Variants in ELL2 observed in about 807,000 individuals in gnomAD.
ELL2 encodes the protein RNA polymerase II elongation factor ELL2.
Under a neutral mutation model 72.8 loss-of-function variants are expected in ELL2, and 21 were observed. The ratio of observed to expected loss-of-function variants is 0.29; its 90% CI spans 0.20 to 0.42. The LOEUF (loss-of-function observed/expected upper bound fraction) is 0.42. ELL2 is among the 10% of genes least tolerant of loss of function. The probability of loss-of-function intolerance (pLI) is 1.00; values close to 1 mark genes in which losing one functional copy is unlikely to be tolerated. For synonymous variants in ELL2, 266 were observed against 283.2 expected (o/e 0.94, Z 0.61); for missense variants, 568 against 772.8 (o/e 0.73, Z 3.14).
Position 95,919,495 on chromosome 5 carries a change from G to T in ELL2, c.246C>A (p.Asn82Lys). 6.3e-7 allele frequency: 1 copy of T among 1,586,812 alleles called. No homozygotes were observed. The change falls in exon 3 of 12, where the codon AAC becomes AAA. Residue 82 changes from asparagine (N) to lysine (K), a missense_variant. Asn to Lys is a moderately conservative substitution (Grantham distance 94). Transcript: ENST00000237853. ...NDPLNEVHNF[N>K]FYLSNVGKDN... ...CTTTGCCCACATTTGACAAATAAAA[G>T]TTAAAGTTATGAACTTCATTGAGGG...
chr5:95,889,915 A>C (rs1748597163), intron 10 of ELL2, among the ~76,000 whole-genome samples: 1 of 139,464 alleles, frequency 7.2e-6, no homozygotes. Flanking sequence ...CCTGGGGGGG[A>C]TAATAGCCTA....
intron 2 of ELL2, among the ~76,000 whole-genome samples, chr5:95,926,810 G>A (rs1035009954): frequency 1.3e-5 from 2 of 151,888 alleles, no homozygotes; most frequent in African/African-American, 2.4e-5. Context: ...TATCATCGAC[G>A]GCAACATTTC....
chr5:95,914,676 A>C (rs1175407697), intron 3 of ELL2, among the ~76,000 whole-genome samples: 4 of 152,076 alleles, frequency 2.6e-5, no homozygotes, highest in African/African-American at 9.7e-5. Context: ...CAACATGGAG[A>C]AACCCCATCT....
Position 95,907,296 on chromosome 5 carries a change from A to ATATATTTTTTTTTTT in ELL2, c.482-515_482-514insAAAAAAAAAAATATA. 1.6e-3 allele frequency among the ~76,000 whole-genome samples: 190 copies of ATATATTTTTTTTTTT among 116,422 alleles called. 2 individuals are homozygous for ATATATTTTTTTTTTT. The highest frequency in any genetic ancestry group is 6.9e-3 in the African/African-American group (168 of 24,458). 76.4% of individuals were successfully genotyped at this position (116,422 alleles called of 152,430 possible). A position where few individuals can be genotyped will look rare whatever the true frequency, so the allele number is the denominator to read the frequency against. On this transcript the variant is annotated intron_variant, in intron 4 of 11. Transcript: ENST00000237853. The stretch of plus-strand genomic sequence containing the variant: ...GTTAGTGATATATATATATATATAT[A>ATATATTTTTTTTTTT]TTTTTTTTTTTTACAGGCCAAGACA...
At chr5:95,909,106 A>G (rs913857523) in intron 4 of ELL2, among the ~76,000 whole-genome samples, 1 of 152,200 alleles carries the variant, frequency 6.6e-6, no homozygotes, top group Non-Finnish European at 1.5e-5. Context: ...ATGCTTCCCC[A>G]AAGCAGGTAT....
intron 9 of ELL2, among the ~76,000 whole-genome samples, chr5:95,894,384 G>C (rs1163942086): frequency 6.6e-6 from 1 of 152,182 alleles, no homozygotes; most frequent in South Asian, 2.1e-4. Context: ...TTATAAAAAA[G>C]AATTCAAAAA....
chr5:95,924,001 G>C (rs1750193316), intron 2 of ELL2, among the ~76,000 whole-genome samples: 1 of 152,166 alleles, frequency 6.6e-6, no homozygotes, highest in Non-Finnish European at 1.5e-5. Flanking sequence ...AGACTTATTG[G>C]AAAGAGCAGG....
intron 2 of ELL2, among the ~76,000 whole-genome samples, chr5:95,924,174 C>T (rs1038992018): frequency 2.0e-5 from 3 of 152,178 alleles, no homozygotes; most frequent in African/African-American, 7.2e-5. Context: ...TTCAGAGGAA[C>T]CTGTGGATAT....
chr5:95,947,474 C>G (rs1045357774), intron 1 of ELL2, among the ~76,000 whole-genome samples: 7 of 152,128 alleles, frequency 4.6e-5, no homozygotes, highest in African/African-American at 1.4e-4. Flanking sequence ...ATTTAGTTTT[C>G]TAATGTATGG....
At chr5:95,949,679 T>C (rs145610039) in intron 1 of ELL2, among the ~76,000 whole-genome samples, 41 of 146,690 alleles carry the variant, frequency 2.8e-4, no homozygotes, top group African/African-American at 9.2e-4. Context: ...AGCTGCATTA[T>C]AAGCCATGAT....
intron 2 of ELL2, among the ~76,000 whole-genome samples, chr5:95,941,687 AG>A (rs1750974887): frequency 1.3e-5 from 2 of 152,178 alleles, no homozygotes; most frequent in Admixed American, 1.3e-4. Context: ...CTCTTCCTCT[AG>A]CCCTCTTCTC....
chr5:95,889,042 A>G (rs750258365), intron 11 of ELL2, 44 bp downstream of exon 11: 1 of 1,594,050 alleles, frequency 6.3e-7, no homozygotes, highest in African/African-American at 1.4e-5. Flanking sequence ...AATTTACAAC[A>G]TTTTTCAACC....
intron 2 of ELL2, among the ~76,000 whole-genome samples, chr5:95,938,283 G>A (rs73771813): frequency 0.033 from 4,984 of 152,222 alleles, 278 homozygotes; most frequent in African/African-American, 0.11. Context: ...TTTTTAGAAG[G>A]CATACATTTA....
At position 95,887,376 on chromosome 5, in the gene ELL2, C is replaced by T. The variant is rs1748500398; in HGVS notation, c.*1495G>A. 1 of 152,554 alleles carries T rather than the reference C, an allele frequency of 6.6e-6. No homozygotes were observed. The highest frequency in any genetic ancestry group is 1.5e-5 in the Non-Finnish European group (1 of 68,016). The allele number at this position is 152,554 out of a possible 1,614,324, so 9.5% of individuals were successfully genotyped here. ...TTTTCTGGTTTACAGTGATACACAA[C>T]AAAGTTATTCATTTATTTTTCTGGA... On this transcript the variant is annotated 3_prime_UTR_variant, in exon 12 of 12. Transcript: ENST00000237853.
chr5:95,906,718 C>G lies in ELL2; in HGVS notation c.546G>C (p.Arg182Ser). The change falls in exon 5 of 12, where the codon AGG (arginine) becomes AGC (serine). Residue 182 changes from arginine (R) to serine (S), a missense_variant. By Grantham distance (110) the Arg-to-Ser change is moderately radical (BLOSUM62 -1). Transcript: ENST00000237853. The stretch of plus-strand genomic sequence containing the variant: ...TATTTGCAGGGTTCATGGGGGTTGA[C>G]CTTTTCCTCTCAGGAACTGTATCTG... ...AVSDTVPERK[R>S]STPMNPANTI... 6.2e-7 allele frequency: 1 copy of G among 1,613,936 alleles called. No individual in the cohort carries two copies. Among genetic ancestry groups the G allele is most frequent in the Non-Finnish European group, 8.5e-7 (1 of 1,179,900 alleles).
At chr5:95,900,179 T>C (rs1749083646) in intron 7 of ELL2, 1 of 152,222 alleles carries the variant, frequency 6.6e-6, no homozygotes, top group Non-Finnish European at 1.5e-5. Context: ...GCTGAATCTC[T>C]TGGGGGAAAA....
chr5:95,916,522 C>T (rs1302815144), intron 3 of ELL2, among the ~76,000 whole-genome samples: 1 of 152,052 alleles, frequency 6.6e-6, no homozygotes, highest in Admixed American at 6.5e-5. Context: ...AGAGAGTGGT[C>T]AACAGTGTGC....
chr5:95,889,434 C>T (rs560259379), intron 10 of ELL2, among the ~76,000 whole-genome samples: 41 of 152,238 alleles, frequency 2.7e-4, no homozygotes, highest in African/African-American at 9.9e-4. Flanking sequence ...GTCCATCAAT[C>T]TATACAAAGG....
chr5:95,893,293 T>C (rs1748735922), intron 9 of ELL2, among the ~76,000 whole-genome samples: 1 of 152,208 alleles, frequency 6.6e-6, no homozygotes, highest in African/African-American at 2.4e-5. Context: ...TAAACAGTTT[T>C]GATAGCTTAA....
Sources: allele counts gnomAD v4.1 joint callset (sites outside exome capture counted in the v4.1 genomes callset), GRCh38; gene constraint gnomAD v4.1.1; transcripts MANE v1.5; gene names NCBI Gene and HGNC (gene_info 2026-07-23, HGNC 2026-07-21).